The following NCS1 variants were observed in gnomAD, a reference collection of about 807,000 sequenced individuals.
NCS1 encodes the protein frequenin homolog.
NCS1 carries 6 observed loss-of-function variants against 28.4 expected under a neutral mutation model. The ratio of observed to expected loss-of-function variants is 0.21; its 90% CI spans 0.12 to 0.42. The LOEUF (loss-of-function observed/expected upper bound fraction) is 0.42, where lower values mean the gene tolerates loss of function less well. Ranked by LOEUF, NCS1 falls within the 10% of genes least tolerant of loss-of-function variation. NCS1 has a pLI of 1.00. For synonymous variants in NCS1, 86 were observed against 99.3 expected, an observed-to-expected ratio of 0.87 and a Z score of 0.79; for missense variants, 131 against 241.4, an observed-to-expected ratio of 0.54 and a Z score of 3.03.
At chr9:130,223,575 C>T (rs781903369) in intron 6 of NCS1, among the ~76,000 whole-genome samples, 1 of 152,172 alleles carries the variant, frequency 6.6e-6, no homozygotes, top group Non-Finnish European at 1.5e-5. Context: ...GCTTTCTTAA[C>T]GCATTCACTA....
chr9:130,219,615 T>C lies in NCS1; in HGVS notation c.229-110T>C, dbSNP rs1315367029. On this transcript the variant is annotated intron_variant, in intron 3 of 7. Coordinates refer to ENST00000372398, the MANE Select transcript of NCS1 (RefSeq NM_014286.4). The surrounding 1 kb of genome is among the most constrained non-coding windows in gnomAD (Gnocchi z 5.7). ...CCTGCCCTCTCCACCTGAGTGTCCA[T>C]TGGCCACAGTGTCTGGAGCCTGCGA... The C allele has an allele frequency of 5.6e-6, 5 of 897,464 alleles. No individual in the cohort carries two copies. In the East Asian group the frequency reaches 1.2e-4, roughly 22 times the overall value. 55.6% of individuals were successfully genotyped at this position (897,464 alleles called of 1,614,324 possible). A position where few individuals can be genotyped will look rare whatever the true frequency, so the allele number is the denominator to read the frequency against.
At chr9:130,201,892 T>A (rs1832953091) in intron 2 of NCS1, among the ~76,000 whole-genome samples, 1 of 152,170 alleles carries the variant, frequency 6.6e-6, no homozygotes, top group Admixed American at 6.5e-5. Flanking sequence ...AACACCCTCC[T>A]TCTAGATCTT....
intron 1 of NCS1, among the ~76,000 whole-genome samples, chr9:130,178,504 C>T (rs557690599): frequency 6.6e-6 from 1 of 152,210 alleles, no homozygotes; most frequent in Non-Finnish European, 1.5e-5. Context: ...CAAGGCCTGT[C>T]TTAAACCCCT....
chr9:130,217,432 G>A (rs1456715185), intron 2 of NCS1, among the ~76,000 whole-genome samples: 1 of 152,208 alleles, frequency 6.6e-6, no homozygotes, highest in African/African-American at 2.4e-5. Context: ...GCCAGGAGGG[G>A]CTCAGCAGAG....
At chr9:130,216,669 T>C (rs1833194414) in intron 2 of NCS1, among the ~76,000 whole-genome samples, 1 of 149,074 alleles carries the variant, frequency 6.7e-6, no homozygotes, top group African/African-American at 2.5e-5. Context: ...TGAGCCGTGA[T>C]CCTGCCACTG....
rs1554913228 is a variant in NCS1, at chr9:130,236,956, G to A, written c.*3984G>A. On this transcript the variant is annotated 3_prime_UTR_variant, in exon 8 of 8. Coordinates refer to ENST00000372398, the MANE Select transcript of NCS1 (RefSeq NM_014286.4). ...AGTGTCATCATCAAAGCCCCTCACA[G>A]AAGTGGAGGACGGTGCCCAAGAGTA... 1 of 152,314 alleles carries A rather than the reference G, an allele frequency of 6.6e-6. No homozygotes were observed. Among genetic ancestry groups the A allele is most frequent in the Non-Finnish European group, 1.5e-5 (1 of 68,106 alleles). The allele number at this position is 152,314 out of a possible 1,614,324, so 9.4% of individuals were successfully genotyped here. A position where few individuals can be genotyped will look rare whatever the true frequency, so the allele number is the denominator to read the frequency against.
rs577325475 is a variant in NCS1 at position 130,226,200 on chromosome 9, C to T, written c.475-189C>T. On this transcript the variant is annotated intron_variant, in intron 6 of 7. Coordinates refer to ENST00000372398, the MANE Select transcript of NCS1 (RefSeq NM_014286.4). The surrounding 1 kb of genome is among the most constrained non-coding windows in gnomAD (Gnocchi z 4.8). ...AAGAAACATGCCCAGAGAGGTGGGC[C>T]ACGGCCCAAGGCCACCCTGCCATGA... Among the ~76,000 whole-genome samples, 2 of 152,214 alleles carry T rather than the reference C, an allele frequency of 1.3e-5. No individual in the cohort carries two copies. Among genetic ancestry groups the T allele is most frequent in the Non-Finnish European group, 2.9e-5 (2 of 68,038 alleles).
At chr9:130,226,000 G>A (rs1435299501) in intron 6 of NCS1, among the ~76,000 whole-genome samples, 1 of 152,190 alleles carries the variant, frequency 6.6e-6, no homozygotes, top group Admixed American at 6.5e-5. Context: ...CCTTCCAAGA[G>A]TGACCCCAGA....
At position 130,186,396 on chromosome 9, in the gene NCS1, C is replaced by G. The variant is rs368502140; in HGVS notation, c.64+13669C>G. On this transcript the variant is annotated intron_variant, in intron 1 of 7. Coordinates refer to ENST00000372398, the MANE Select transcript of NCS1 (RefSeq NM_014286.4). This position sits in a 1 kb window ranked among gnomAD's most constrained non-coding sequence, Gnocchi z 4.1. ...GAGACCCGGGGCTAGGGTTGCCAGACATACTGAAAAATGATTTGCTGTTTA... is the reference window on the plus strand; with the variant it reads ...GAGACCCGGGGCTAGGGTTGCCAGAGATACTGAAAAATGATTTGCTGTTTA... Among the ~76,000 whole-genome samples, 2 of 152,190 alleles carry G rather than the reference C, an allele frequency of 1.3e-5. No homozygotes were observed. Among genetic ancestry groups the G allele is most frequent in the East Asian group, 3.8e-4 (2 of 5,206 alleles).
At chr9:130,201,261 G>A (rs1256527550) in intron 2 of NCS1, among the ~76,000 whole-genome samples, 1 of 152,158 alleles carries the variant, frequency 6.6e-6, no homozygotes, top group Non-Finnish European at 1.5e-5. Context: ...GTTGATTCCA[G>A]GCCCTGTTCA....
chr9:130,224,662 T>C (rs1833387810), intron 6 of NCS1, among the ~76,000 whole-genome samples: 1 of 152,038 alleles, frequency 6.6e-6, no homozygotes, highest in Admixed American at 6.6e-5. Flanking sequence ...TCAGGTACTA[T>C]GCTTATCACC....
Position 130,202,635 on chromosome 9 carries a change from A to T in NCS1, c.89+1653A>T, listed in dbSNP as rs534205677. Among the ~76,000 whole-genome samples, 22 of 148,920 alleles carry T rather than the reference A, an allele frequency of 1.5e-4. No homozygotes were observed. The South Asian group carries it at 4.6e-3, about 31-fold the overall frequency. The stretch of plus-strand genomic sequence containing the variant: ...CGCTCTGCCACCCAGGCTAGAGTGC[A>T]GTGGCATGATCTCAGCTCACTGCAA... On this transcript the variant is annotated intron_variant, in intron 2 of 7. Coordinates refer to ENST00000372398, the MANE Select transcript of NCS1 (RefSeq NM_014286.4).
At chr9:130,213,411 G>C (rs183067531) in intron 2 of NCS1, among the ~76,000 whole-genome samples, 5,171 of 151,662 alleles carry the variant, frequency 0.034, 121 homozygotes, top group Non-Finnish European at 0.055. Context: ...CTGAGTAGCT[G>C]GGACTTACAG....
chr9:130,174,742 C>T (rs12377263), intron 1 of NCS1, among the ~76,000 whole-genome samples: 13,520 of 132,658 alleles, frequency 0.1, 719 homozygotes, highest in Middle Eastern at 0.18. Context: ...ACCTGGGAGG[C>T]GGAGGTTGCG....
chr9:130,184,972 A>C (rs1554905489), intron 1 of NCS1, among the ~76,000 whole-genome samples: 1 of 144,944 alleles, frequency 6.9e-6, no homozygotes, highest in Non-Finnish European at 1.5e-5. Flanking sequence ...ACTCCGTCTC[A>C]AAAAAAAAAA....
Position 130,235,842 on chromosome 9 carries a change from T to C in NCS1, c.*2870T>C, listed in dbSNP as rs1554912970. 1 of 152,330 alleles carries C rather than the reference T, an allele frequency of 6.6e-6. No individual in the cohort carries two copies. The highest frequency in any genetic ancestry group is 1.5e-5 in the Non-Finnish European group (1 of 68,122). 9.4% of individuals were successfully genotyped at this position (152,330 alleles called of 1,614,324 possible). A position where few individuals can be genotyped will look rare whatever the true frequency, so the allele number is the denominator to read the frequency against. On this transcript the variant is annotated 3_prime_UTR_variant, in exon 8 of 8. Coordinates refer to ENST00000372398, the MANE Select transcript of NCS1 (RefSeq NM_014286.4). ...GCCACCCAATGCGGCTCGCTTCAGA[T>C]GCTCTGATGCAGAGGGCACGCCCAT...
At chr9:130,231,233 C>A (rs531595717) in intron 7 of NCS1, among the ~76,000 whole-genome samples, 2 of 151,942 alleles carry the variant, frequency 1.3e-5, no homozygotes, top group East Asian at 3.9e-4. Flanking sequence ...TGCCTGTAGT[C>A]CCACCTACTT....
chr9:130,201,781 C>T (rs111434486), intron 2 of NCS1, among the ~76,000 whole-genome samples: 53 of 152,284 alleles, frequency 3.5e-4, no homozygotes, highest in African/African-American at 1.3e-3. Context: ...TATGCTGGCC[C>T]GCCTGGCTCT....
At chr9:130,221,403 T>TAGAG (rs1261194261) in intron 4 of NCS1, among the ~76,000 whole-genome samples, 19 of 42,282 alleles carry the variant, frequency 4.5e-4, no homozygotes, top group African/African-American at 1.2e-3. Context: ...TATATATATA[T>TAGAG]ATATATATAT....
Sources: allele counts gnomAD v4.1 joint callset (sites outside exome capture counted in the v4.1 genomes callset), GRCh38; gene constraint gnomAD v4.1.1; non-coding constraint Gnocchi (gnomAD v3.1); transcripts MANE v1.5; gene names NCBI Gene and HGNC (gene_info 2026-07-23, HGNC 2026-07-21).